ADCY2: variants seen among roughly 807,000 people sequenced by gnomAD.
ADCY2 encodes adenylate cyclase type 2.
ADCY2 carries 31 observed loss-of-function variants against 125.2 expected under a neutral mutation model. The observed-to-expected ratio is 0.25, with a 90% CI of 0.19 to 0.33. The LOEUF is 0.33. Among genes scored for constraint, ADCY2 ranks in the 10% least tolerant of loss-of-function variants. ADCY2 has a pLI of 1.00. For synonymous variants in ADCY2, 512 were observed against 548.4 expected (o/e 0.93, Z 0.93); for missense variants, 904 against 1,418.2 (o/e 0.64, Z 5.82).
At chr5:7,714,086 A>G (rs918849738) in intron 11 of ADCY2, among the ~76,000 whole-genome samples, 10 of 152,174 alleles carry the variant, frequency 6.6e-5, no homozygotes, top group Non-Finnish European at 1.5e-5. Flanking sequence ...TGTTATGAGG[A>G]TAATTTGGTT....
chr5:7,759,313 G>A (rs1743118417), intron 16 of ADCY2, among the ~76,000 whole-genome samples: 1 of 152,182 alleles, frequency 6.6e-6, no homozygotes, highest in South Asian at 2.1e-4. Flanking sequence ...AGGCATGCGG[G>A]CCACTGAAAG....
intron 2 of ADCY2, among the ~76,000 whole-genome samples, chr5:7,489,999 CTT>C (rs1743099616): frequency 6.6e-6 from 1 of 151,900 alleles, no homozygotes; most frequent in Non-Finnish European, 1.5e-5. Context: ...TGAATACAGA[CTT>C]AACATTTCAT....
rs190051658 is a variant in ADCY2, at chr5:7,631,771, T to C, written c.720+5455T>C. Among the ~76,000 whole-genome samples, 92 of 152,260 alleles carry C rather than the reference T, an allele frequency of 6.0e-4. 1 individual carries two copies. The South Asian group carries it at 8.1e-3, about 13-fold the overall frequency. ...CAGCCATGCCATCCCCAAAGATCCC[T>C]CCAGGGTCAGCTTTCTTCTTCCTGG... On this transcript the variant is annotated intron_variant, in intron 4 of 24. Coordinates refer to ENST00000338316, the MANE Select transcript of ADCY2 (RefSeq NM_020546.3).
In ADCY2 at chr5:7,607,541, A is replaced by G. The variant is rs143933186; in HGVS notation, c.571-18626A>G. 7.4e-3 allele frequency among the ~76,000 whole-genome samples: 1,120 copies of G among 152,312 alleles called. 12 individuals carry two copies. Among genetic ancestry groups the G allele is most frequent in the African/African-American group, 0.025 (1,053 of 41,550 alleles). The stretch of plus-strand genomic sequence containing the variant: ...CAGCCTGCTGCACCCCTGAGGACCC[A>G]TGAGCTCTCACGAGTAAAGCACCTT... On this transcript the variant is annotated intron_variant, in intron 3 of 24. Coordinates refer to ENST00000338316, the MANE Select transcript of ADCY2 (RefSeq NM_020546.3).
intron 1 of ADCY2, among the ~76,000 whole-genome samples, chr5:7,408,619 C>T (rs759091242): frequency 6.6e-6 from 1 of 152,092 alleles, no homozygotes. Flanking sequence ...CTACCCACCG[C>T]AGCCTCTCAA....
At chr5:7,801,900 T>C (rs1156716951) in intron 20 of ADCY2, 3 of 239,330 alleles carry the variant, frequency 1.3e-5, no homozygotes, top group Non-Finnish European at 2.4e-5. Flanking sequence ...TTGTTTCCCT[T>C]CAGTTGTTGA....
chr5:7,527,454 A>T (rs765892683), intron 3 of ADCY2, among the ~76,000 whole-genome samples: 5 of 152,134 alleles, frequency 3.3e-5, no homozygotes, highest in Non-Finnish European at 5.9e-5. Flanking sequence ...CTTTTCTTAC[A>T]CTTTTATTTC....
At chr5:7,504,612 T>G (rs116824398) in intron 2 of ADCY2, among the ~76,000 whole-genome samples, 2,046 of 151,520 alleles carry the variant, frequency 0.014, 19 homozygotes, top group Non-Finnish European at 0.022. Context: ...CTTTCTTTTT[T>G]CTTTCTTTTT....
At chr5:7,729,662 T>A (rs1456448955) in intron 14 of ADCY2, among the ~76,000 whole-genome samples, 1 of 150,986 alleles carries the variant, frequency 6.6e-6, no homozygotes, top group East Asian at 1.9e-4. Flanking sequence ...TAATGGCTAC[T>A]CCTTAGGCAG....
At chr5:7,414,803 T>C in intron 2 of ADCY2, 33 bp downstream of exon 2, 1 of 1,563,374 alleles carries the variant, frequency 6.4e-7, no homozygotes, top group Non-Finnish European at 8.7e-7. Flanking sequence ...GTACTTCTTT[T>C]ATGTCTTGAT....
rs146033516 is a variant in ADCY2 at position 7,633,739 on chromosome 5, G to A, written c.720+7423G>A. On this transcript the variant is annotated intron_variant, in intron 4 of 24. Coordinates refer to ENST00000338316, the MANE Select transcript of ADCY2 (RefSeq NM_020546.3). ...TCCAGATTATCACAAGCAGATTTTT[G>A]TTGATAATAAGAAGCCCCCAAAACC... Among the ~76,000 whole-genome samples the A allele has an allele frequency of 6.6e-5, 10 of 152,240 alleles. No individual in the cohort carries two copies. The East Asian group carries it at 1.9e-3, about 29-fold the overall frequency.
At chr5:7,631,356 TC>T (rs1462813982) in intron 4 of ADCY2, among the ~76,000 whole-genome samples, 1 of 152,218 alleles carries the variant, frequency 6.6e-6, no homozygotes, top group African/African-American at 2.4e-5. Context: ...TCTTCTTTAT[TC>T]CTACAGCAAC....
At position 7,497,387 on chromosome 5, in the gene ADCY2, C is replaced by T. The variant is rs532697104; in HGVS notation, c.409-23351C>T. On this transcript the variant is annotated intron_variant, in intron 2 of 24. Transcript: ENST00000338316. ...AGTTTCAAGTATAAATGTGTCATTT[C>T]GAATCAGTGGGAAATTAATTTGAGC... is the stretch of plus-strand genomic sequence containing the variant. Among the ~76,000 whole-genome samples, 13 of 152,094 alleles carry T rather than the reference C, an allele frequency of 8.5e-5. No homozygotes were observed. In the South Asian group the frequency reaches 1.0e-3, roughly 12 times the overall value.
At position 7,676,219 on chromosome 5, in the gene ADCY2, C is replaced by T. The variant is rs1222763493; in HGVS notation, c.721-14472C>T. 2.6e-5 allele frequency among the ~76,000 whole-genome samples: 4 copies of T among 152,318 alleles called. No individual in the cohort carries two copies. In the East Asian group the frequency reaches 7.7e-4, roughly 29 times the overall value. ...TTTGAACATTTAAGGATCTTCTGCTCTGTCATAATTGCTTATATCATATGC... is the reference window on the plus strand; with the variant it reads ...TTTGAACATTTAAGGATCTTCTGCTTTGTCATAATTGCTTATATCATATGC... On this transcript the variant is annotated intron_variant, in intron 4 of 24. Transcript: ENST00000338316.
At chr5:7,458,113 T>C (rs1225135709) in intron 2 of ADCY2, among the ~76,000 whole-genome samples, 1 of 152,196 alleles carries the variant, frequency 6.6e-6, no homozygotes, top group Non-Finnish European at 1.5e-5. Flanking sequence ...TATATAATAG[T>C]CATGAATAGA....
chr5:7,581,611 A>C (rs1736435434), intron 3 of ADCY2, among the ~76,000 whole-genome samples: 1 of 152,052 alleles, frequency 6.6e-6, no homozygotes, highest in South Asian at 2.1e-4. Flanking sequence ...CGAGGTCAAG[A>C]GATCAAGACC....
At chr5:7,689,680 G>A (rs1295706801) in intron 4 of ADCY2, among the ~76,000 whole-genome samples, 3 of 151,986 alleles carry the variant, frequency 2.0e-5, no homozygotes, top group Admixed American at 2.0e-4. Context: ...GCAAATCCGA[G>A]CTTCCCCTCC....
At chr5:7,779,821 G>C (rs773667315) in intron 18 of ADCY2, among the ~76,000 whole-genome samples, 2 of 152,206 alleles carry the variant, frequency 1.3e-5, no homozygotes, top group Non-Finnish European at 2.9e-5. Flanking sequence ...AGCCAGAGAG[G>C]AGAGAATGCC....
At chr5:7,560,511 GCC>G (rs1735674891) in intron 3 of ADCY2, among the ~76,000 whole-genome samples, 1 of 151,952 alleles carries the variant, frequency 6.6e-6, no homozygotes. Flanking sequence ...GGAAATAACT[GCC>G]TGCATTTTTT....
Sources: allele counts gnomAD v4.1 joint callset (sites outside exome capture counted in the v4.1 genomes callset), GRCh38; gene constraint gnomAD v4.1.1; transcripts MANE v1.5; gene names NCBI Gene and HGNC (gene_info 2026-07-23, HGNC 2026-07-21).